The following SFMBT2 variants were observed in gnomAD, a reference collection of about 807,000 sequenced individuals.
SFMBT2 encodes the protein scm-like with four MBT domains protein 2.
Under a neutral mutation model 110.1 loss-of-function variants are expected in SFMBT2, and 38 were observed. The ratio of observed to expected loss-of-function variants is 0.35; its 90% CI spans 0.27 to 0.45. SFMBT2 has a LOEUF of 0.45. SFMBT2 is among the 20% of genes least tolerant of loss of function. The probability of loss-of-function intolerance (pLI) is 1.00; values close to 1 mark genes in which losing one functional copy is unlikely to be tolerated. For missense variants in SFMBT2, 1,011 were observed against 1,094.9 expected (o/e 0.92, Z 1.08); for synonymous variants, 425 against 425.4 (o/e 1.00, Z 0.01).
intron 4 of SFMBT2, among the ~76,000 whole-genome samples, chr10:7,335,582 A>AACACACACAC (rs3065781): frequency 0.011 from 1,618 of 142,944 alleles, 18 homozygotes; most frequent in African/African-American, 0.027. Context: ...CAGAAACAGA[A>AACACACACAC]ACACACACAC....
intron 11 of SFMBT2, chr10:7,207,486 G>A (rs1414787123): frequency 3.0e-4 from 44 of 148,114 alleles, no homozygotes; most frequent in South Asian, 4.5e-4. Context: ...AGGAAGGAAG[G>A]AAGGAAGGAA....
chr10:7,294,208 C>T (rs1243849704), intron 4 of SFMBT2, among the ~76,000 whole-genome samples: 1 of 152,190 alleles, frequency 6.6e-6, no homozygotes, highest in Non-Finnish European at 1.5e-5. Context: ...AGGAAACCCA[C>T]AAAATGGAAG....
chr10:7,228,262 G>A (rs376389486), intron 9 of SFMBT2: 16 of 311,780 alleles, frequency 5.1e-5, no homozygotes, highest in Admixed American at 4.5e-4. Flanking sequence ...CTCTCACCAC[G>A]CACTGTGCAG....
chr10:7,361,070 T>C (rs1440737311), intron 4 of SFMBT2, among the ~76,000 whole-genome samples: 1 of 152,216 alleles, frequency 6.6e-6, no homozygotes, highest in Non-Finnish European at 1.5e-5. Flanking sequence ...CTTATACCAA[T>C]GTGTTCTGCT....
chr10:7,187,502 C>T (rs1287831693), intron 16 of SFMBT2, among the ~76,000 whole-genome samples: 1 of 152,166 alleles, frequency 6.6e-6, no homozygotes, highest in Non-Finnish European at 1.5e-5. Flanking sequence ...TGCAAATAAA[C>T]CCTCTTCTTA....
intron 4 of SFMBT2, among the ~76,000 whole-genome samples, chr10:7,296,037 C>T (rs1340512933): frequency 2.6e-5 from 4 of 152,206 alleles, no homozygotes; most frequent in African/African-American, 4.8e-5. Context: ...ACACAACTCA[C>T]ACCACTCTGC....
intron 7 of SFMBT2, among the ~76,000 whole-genome samples, chr10:7,264,826 C>G (rs950875610): frequency 4.0e-5 from 6 of 151,746 alleles, no homozygotes; most frequent in African/African-American, 1.2e-4. Context: ...GGGCTTATTC[C>G]TCAAGTTCCT....
intron 7 of SFMBT2, chr10:7,249,050 C>T (rs1398250145): frequency 2.1e-6 from 2 of 954,140 alleles, no homozygotes; most frequent in African/African-American, 1.8e-5. Context: ...TCAGTCAGCA[C>T]CTTGTACCCA....
intron 4 of SFMBT2, among the ~76,000 whole-genome samples, chr10:7,314,221 T>G (rs1198122028): frequency 6.6e-6 from 1 of 152,156 alleles, no homozygotes; most frequent in Non-Finnish European, 1.5e-5. Context: ...GACAACCCCT[T>G]AAGTGGGAGG....
At chr10:7,382,883 C>A (rs1845465929) in intron 1 of SFMBT2, among the ~76,000 whole-genome samples, 1 of 152,200 alleles carries the variant, frequency 6.6e-6, no homozygotes, top group Non-Finnish European at 1.5e-5. Flanking sequence ...AGCTGGTTCC[C>A]ACAGAATCCT....
intron 6 of SFMBT2, among the ~76,000 whole-genome samples, chr10:7,280,328 G>A (rs1841913597): frequency 1.3e-5 from 2 of 151,754 alleles, no homozygotes; most frequent in Admixed American, 1.3e-4. Context: ...CAGGCAGAAA[G>A]TATTTAAGTT....
chr10:7,285,588 C>T, intron 5 of SFMBT2: 1 of 348,718 alleles, frequency 2.9e-6, no homozygotes, highest in Non-Finnish European at 5.4e-6. Context: ...AGATATAGGA[C>T]AGTAGGAAGA....
intron 8 of SFMBT2, chr10:7,244,080 T>C (rs1840528220): frequency 9.2e-6 from 8 of 870,946 alleles, no homozygotes; most frequent in Non-Finnish European, 1.1e-5. Flanking sequence ...CGTTTCTCAG[T>C]GTCCACAGCC....
chr10:7,200,914 G>T (rs1838934834), intron 13 of SFMBT2: 2 of 752,530 alleles, frequency 2.7e-6, no homozygotes, highest in Non-Finnish European at 3.2e-6. Context: ...TGACCTCCGG[G>T]CCCGCGGGAG....
chr10:7,166,392 G>A (rs190358765), intron 20 of SFMBT2, among the ~76,000 whole-genome samples: 6 of 152,310 alleles, frequency 3.9e-5, no homozygotes, highest in South Asian at 4.1e-4. Context: ...CTATCAGCAC[G>A]AAAATATTCG....
chr10:7,189,649 C>A lies in SFMBT2; in HGVS notation c.1699-916G>T, dbSNP rs140755073. ...ATGGTGTGGAGTTTCATGAAATGATCCTCTGTGAAGCTCCACTGAGTGACA... is the reference window on the plus strand; with the variant it reads ...ATGGTGTGGAGTTTCATGAAATGATACTCTGTGAAGCTCCACTGAGTGACA... On this transcript the variant is annotated intron_variant, in intron 15 of 20. Coordinates refer to ENST00000397167, the MANE Select transcript of SFMBT2 (RefSeq NM_001387889.1). 1.1e-4 allele frequency among the ~76,000 whole-genome samples: 16 copies of A among 152,302 alleles called. No individual in the cohort carries two copies. The East Asian group carries it at 3.1e-3, about 29-fold the overall frequency.
chr10:7,215,776 G>A (rs1247772329), intron 11 of SFMBT2: 1 of 973,056 alleles, frequency 1.0e-6, no homozygotes, highest in Non-Finnish European at 1.2e-6. Flanking sequence ...CTCCTTCCCT[G>A]CTGTGTTTGG....
At chr10:7,317,387 A>T (rs1843046456) in intron 4 of SFMBT2, among the ~76,000 whole-genome samples, 2 of 152,218 alleles carry the variant, frequency 1.3e-5, no homozygotes, top group Non-Finnish European at 2.9e-5. Context: ...TCACACCTGT[A>T]ATCGCAGCAC....
At chr10:7,231,407 C>T (rs1840108938) in intron 9 of SFMBT2, among the ~76,000 whole-genome samples, 1 of 152,204 alleles carries the variant, frequency 6.6e-6, no homozygotes, top group Non-Finnish European at 1.5e-5. Flanking sequence ...CTGACACAGC[C>T]TGGCATGTGG....
Sources: gnomAD v4.1 joint callset for allele counts (sites outside exome capture counted in the v4.1 genomes callset) on GRCh38, gnomAD v4.1.1 for gene constraint, MANE v1.5 for transcripts, NCBI Gene and HGNC (gene_info 2026-07-23, HGNC 2026-07-21) for gene names.